Variants in GFRA2 observed in about 807,000 individuals in gnomAD.
GFRA2 encodes the protein GDNF family receptor alpha-2.
GFRA2 carries 17 observed loss-of-function variants against 48.3 expected under a neutral mutation model. The observed-to-expected ratio is 0.35, with a 90% CI of 0.24 to 0.53. The LOEUF (loss-of-function observed/expected upper bound fraction) is 0.53, where lower values mean the gene tolerates loss of function less well. GFRA2 is among the 20% of genes least tolerant of loss of function. GFRA2 has a pLI of 0.93. For missense variants in GFRA2, 660 were observed against 637.3 expected, an observed-to-expected ratio of 1.04 and a Z score of -0.38; for synonymous variants, 305 against 257.2, an observed-to-expected ratio of 1.19 and a Z score of -1.78.
intron 4 of GFRA2, among the ~76,000 whole-genome samples, chr8:21,706,893 A>G (rs908113962): frequency 5.3e-5 from 8 of 152,186 alleles, no homozygotes; most frequent in Admixed American, 6.5e-5. Context: ...TCCAAGTCTA[A>G]TATGCATGGC....
chr8:21,745,094 T>A (rs1203022819), intron 4 of GFRA2, among the ~76,000 whole-genome samples: 1 of 152,252 alleles, frequency 6.6e-6, no homozygotes, highest in African/African-American at 2.4e-5. Context: ...CAACACTTTA[T>A]CGCTGGTGAC....
intron 4 of GFRA2, among the ~76,000 whole-genome samples, chr8:21,712,283 T>C (rs1803084490): frequency 6.6e-6 from 1 of 151,202 alleles, no homozygotes; most frequent in African/African-American, 2.4e-5. Flanking sequence ...TCTCCTCACT[T>C]CGCAGACAGG....
intron 4 of GFRA2, among the ~76,000 whole-genome samples, chr8:21,722,104 G>A (rs1803628335): frequency 6.6e-6 from 1 of 152,154 alleles, no homozygotes. Context: ...TGTGAGGCTG[G>A]GGGTAACCGG....
chr8:21,734,957 C>A (rs1432406826), intron 4 of GFRA2, among the ~76,000 whole-genome samples: 2 of 152,208 alleles, frequency 1.3e-5, no homozygotes, highest in Non-Finnish European at 2.9e-5. Flanking sequence ...AACAGAAGCT[C>A]CAAAGAATGC....
chr8:21,727,958 C>T (rs772450735), intron 4 of GFRA2, among the ~76,000 whole-genome samples: 2 of 152,224 alleles, frequency 1.3e-5, no homozygotes, highest in Non-Finnish European at 2.9e-5. Flanking sequence ...CCCAGGCACA[C>T]TCCTTCTACC....
rs573945144 is a variant in GFRA2 at position 21,754,214 on chromosome 8, G to A, written c.440-3272C>T. ...TCAAATACAAGCTCCAGGAAGACAG[G>A]GCTGTGCTCAGTGCTGTGTCCCTAG... On this transcript the variant is annotated intron_variant, in intron 3 of 8. Transcript: ENST00000524240. Among the ~76,000 whole-genome samples, 87 of 152,300 alleles carry A rather than the reference G, an allele frequency of 5.7e-4. 1 individual carries two copies. Among genetic ancestry groups the A allele is most frequent in the African/African-American group, 2.0e-3 (84 of 41,560 alleles).
At chr8:21,733,789 C>T (rs1056616522) in intron 4 of GFRA2, among the ~76,000 whole-genome samples, 1 of 152,270 alleles carries the variant, frequency 6.6e-6, no homozygotes, top group Admixed American at 6.5e-5. Flanking sequence ...TAGCCGACCC[C>T]GCGCAGTTAG....
At chr8:21,714,322 C>G (rs958818499) in intron 4 of GFRA2, among the ~76,000 whole-genome samples, 2 of 131,270 alleles carry the variant, frequency 1.5e-5, no homozygotes, top group African/African-American at 5.9e-5. Flanking sequence ...AATCTTGGCT[C>G]ACTGCAACCT....
intron 3 of GFRA2, among the ~76,000 whole-genome samples, chr8:21,753,389 T>C (rs1267392840): frequency 1.3e-5 from 2 of 152,174 alleles, no homozygotes. Context: ...AGGCAGATCA[T>C]CTGAGGTCAG....
chr8:21,811,093 G>C (rs1807971942), intron 1 of GFRA2, among the ~76,000 whole-genome samples: 1 of 152,168 alleles, frequency 6.6e-6, no homozygotes, highest in South Asian at 2.1e-4. Context: ...CCCCAGGAGA[G>C]AAGGGGAGCA....
At chr8:21,794,232 A>ATT (rs1807628687) in intron 2 of GFRA2, among the ~76,000 whole-genome samples, 1 of 101,648 alleles carries the variant, frequency 9.8e-6, no homozygotes, top group Non-Finnish European at 2.0e-5. Flanking sequence ...CCTGAGAGTG[A>ATT]CTTTTTTTTT....
intron 3 of GFRA2, among the ~76,000 whole-genome samples, chr8:21,773,691 T>C (rs1333391072): frequency 6.6e-6 from 1 of 151,992 alleles, no homozygotes; most frequent in Non-Finnish European, 1.5e-5. Flanking sequence ...AAAACAATAA[T>C]GGAAAAAAAA....
chr8:21,726,418 G>GT lies in GFRA2; in HGVS notation c.795-20378dup, dbSNP rs576286690. Among the ~76,000 whole-genome samples, 55 of 152,332 alleles carry GT rather than the reference G, an allele frequency of 3.6e-4. No homozygotes were observed. In the South Asian group the frequency reaches 0.011, roughly 30 times the overall value. ...GCCTCACTAGCTTCCTAGGGCAGCTGTAACAAATTACCACAAACTCAGTGG... is the reference window on the plus strand; with the variant it reads ...GCCTCACTAGCTTCCTAGGGCAGCTGTTAACAAATTACCACAAACTCAGTGG... On this transcript the variant is annotated intron_variant, in intron 4 of 8. Transcript: ENST00000524240.
chr8:21,794,281 C>T (rs1002704866), intron 2 of GFRA2, among the ~76,000 whole-genome samples: 7 of 112,122 alleles, frequency 6.2e-5, no homozygotes, highest in East Asian at 5.8e-4. Flanking sequence ...CTCACTCTGT[C>T]GCCCAGGCTG....
chr8:21,729,213 C>T (rs1304845735), intron 4 of GFRA2, among the ~76,000 whole-genome samples: 1 of 152,132 alleles, frequency 6.6e-6, no homozygotes, highest in African/African-American at 2.4e-5. Flanking sequence ...CGCTGTAATC[C>T]CAGCTACTCG....
chr8:21,753,139 A>C (rs1805379600), intron 3 of GFRA2, among the ~76,000 whole-genome samples: 1 of 152,146 alleles, frequency 6.6e-6, no homozygotes, highest in Admixed American at 6.5e-5. Context: ...CTTCAGCATG[A>C]CCTACACACC....
At chr8:21,774,916 G>T in intron 3 of GFRA2, 56 bp downstream of exon 3, 1 of 951,530 alleles carries the variant, frequency 1.1e-6, no homozygotes. Flanking sequence ...AGCTCCATCT[G>T]CCATGCCACA....
intron 1 of GFRA2, chr8:21,783,286 A>G (rs985417087): frequency 1.1e-4 from 43 of 393,450 alleles, no homozygotes; most frequent in African/African-American, 7.7e-4. Context: ...AGTGGGGAAC[A>G]TCTCACTTGC....
chr8:21,778,939 G>A (rs1585332842), intron 2 of GFRA2, among the ~76,000 whole-genome samples: 1 of 151,810 alleles, frequency 6.6e-6, no homozygotes, highest in East Asian at 1.9e-4. Context: ...AGCGGCCCAC[G>A]CCTATCATCC....
Sources: gnomAD v4.1 joint callset for allele counts (sites outside exome capture counted in the v4.1 genomes callset) on GRCh38, gnomAD v4.1.1 for gene constraint, MANE v1.5 for transcripts, NCBI Gene and HGNC (gene_info 2026-07-23, HGNC 2026-07-21) for gene names.